Variants in MED13 observed in about 807,000 individuals in gnomAD.
MED13 encodes the protein mediator of RNA polymerase II transcription subunit 13.
MED13 carries 23 observed loss-of-function variants against 225.2 expected under a neutral mutation model. That is an observed-to-expected ratio of 0.10 (90% confidence interval 0.07 to 0.14). The LOEUF (loss-of-function observed/expected upper bound fraction) is 0.14. Ranked by LOEUF, MED13 falls within the 10% of genes least tolerant of loss-of-function variation. The pLI is 1.00. For synonymous variants in MED13, 942 were observed against 889.2 expected, an observed-to-expected ratio of 1.06 and a Z score of -1.06; for missense variants, 2,197 against 2,594.5, an observed-to-expected ratio of 0.85 and a Z score of 3.33.
chr17:61,983,668 T>A (rs1235650104), intron 15 of MED13, among the ~76,000 whole-genome samples: 3 of 151,826 alleles, frequency 2.0e-5, no homozygotes, highest in Non-Finnish European at 4.4e-5. Context: ...AAAAGGTGCT[T>A]CGGAATACAA....
intron 8 of MED13, among the ~76,000 whole-genome samples, chr17:62,028,087 A>T (rs2080719874): frequency 6.6e-6 from 1 of 152,224 alleles, no homozygotes; most frequent in Non-Finnish European, 1.5e-5. Context: ...TCTACCATAA[A>T]GACACATATA....
chr17:61,951,031 C>G, intron 27 of MED13, 33 bp from the exon 28 acceptor site: 1 of 1,558,106 alleles, frequency 6.4e-7, no homozygotes, highest in Non-Finnish European at 8.8e-7. Flanking sequence ...TATATTAGTT[C>G]ACTCAGTGTA....
At chr17:61,963,202 CAAAAAAAAAAAAA>C (rs11290002) in intron 20 of MED13, among the ~76,000 whole-genome samples, 55 of 55,798 alleles carry the variant, frequency 9.9e-4, no homozygotes, top group Admixed American at 8.6e-3. Flanking sequence ...TTAAATTTAC[CAAAAAAAAAAAAA>C]AAAAAAAAAA....
In MED13 at chr17:62,001,674, T is replaced by C. The variant is rs75072646; in HGVS notation, c.1968-6309A>G. 3.4e-3 allele frequency among the ~76,000 whole-genome samples: 525 copies of C among 152,306 alleles called. 2 individuals carry two copies. Among genetic ancestry groups the C allele is most frequent in the African/African-American group, 0.011 (472 of 41,564 alleles). On this transcript the variant is annotated intron_variant, in intron 9 of 29. Transcript: ENST00000397786. Reference sequence around the variant, plus strand: ...ACCATACCAAACTACATAAAGCTTCTGGAGCTTCATAAATGGAATTAAATT... The same window carrying C: ...ACCATACCAAACTACATAAAGCTTCCGGAGCTTCATAAATGGAATTAAATT...
intron 9 of MED13, among the ~76,000 whole-genome samples, chr17:62,001,119 A>C (rs944513277): frequency 6.6e-6 from 1 of 152,192 alleles, no homozygotes; most frequent in African/African-American, 2.4e-5. Context: ...CTTTAAAAAA[A>C]TCAGAAAAAT....
chr17:62,014,017 C>T (rs770665694), intron 8 of MED13, among the ~76,000 whole-genome samples: 22 of 151,762 alleles, frequency 1.4e-4, no homozygotes, highest in Admixed American at 3.3e-4. Flanking sequence ...CCAGCCTGGG[C>T]GACATAGCGA....
chr17:62,060,471 T>C (rs1473476733), intron 2 of MED13, among the ~76,000 whole-genome samples: 2 of 151,376 alleles, frequency 1.3e-5, no homozygotes, highest in Non-Finnish European at 2.9e-5. Context: ...ATACAAAAAA[T>C]TAGCCGGGCG....
chr17:62,008,309 C>A (rs1475736275), intron 9 of MED13, among the ~76,000 whole-genome samples: 2 of 63,338 alleles, frequency 3.2e-5, no homozygotes, highest in South Asian at 6.9e-4. Flanking sequence ...CAGAGCGAGG[C>A]TCTGTCTCAA....
intron 3 of MED13, among the ~76,000 whole-genome samples, chr17:62,039,385 C>T (rs72843789): frequency 3.3e-5 from 5 of 151,998 alleles, no homozygotes; most frequent in African/African-American, 2.4e-5. Flanking sequence ...CAGGTTAAAG[C>T]GATTCTTCTT....
chr17:62,005,624 TAAAAC>T (rs1261027645), intron 9 of MED13: 1 of 152,050 alleles, frequency 6.6e-6, no homozygotes, highest in Non-Finnish European at 1.5e-5. Flanking sequence ...TAAAATAAAA[TAAAAC>T]AAAATAAAAT....
At chr17:62,063,420 T>C (rs201842131) in intron 1 of MED13, 119 bp from the exon 2 acceptor site, 16 of 643,038 alleles carry the variant, frequency 2.5e-5, no homozygotes, top group South Asian at 9.7e-5. Context: ...GCTTGAGATA[T>C]TGACTGCAAA....
At chr17:61,998,929 T>C (rs1453639485) in intron 9 of MED13, among the ~76,000 whole-genome samples, 1 of 139,976 alleles carries the variant, frequency 7.1e-6, no homozygotes, top group African/African-American at 2.7e-5. Flanking sequence ...ATGGTACTTT[T>C]TTTTTTTTTT....
chr17:61,949,066 C>T (rs1031065574), intron 28 of MED13, among the ~76,000 whole-genome samples: 4 of 147,288 alleles, frequency 2.7e-5, no homozygotes, highest in Non-Finnish European at 6.0e-5. Context: ...CCAGCCTGGG[C>T]GACAGAGCGA....
intron 3 of MED13, among the ~76,000 whole-genome samples, chr17:62,043,863 G>GT (rs566517296): frequency 3.1e-4 from 47 of 151,232 alleles, no homozygotes; most frequent in Middle Eastern, 3.4e-3. Flanking sequence ...TATACATTTA[G>GT]TTTTTTTTTA....
Position 61,985,781 on chromosome 17 carries a change from A to G in MED13, c.2386-691T>C, listed in dbSNP as rs928997177. On this transcript the variant is annotated intron_variant, in intron 12 of 29. Transcript: ENST00000397786. ...AGAAAGCATTTGTCTCCTTAAGTTGAACACATTAAAGTTTCCTATATAATC... is the reference window on the plus strand; with the variant it reads ...AGAAAGCATTTGTCTCCTTAAGTTGGACACATTAAAGTTTCCTATATAATC... Among the ~76,000 whole-genome samples the G allele has an allele frequency of 6.6e-5, 10 of 152,358 alleles. No homozygotes were observed. The East Asian group carries it at 1.7e-3, about 26-fold the overall frequency.
rs1603410190 is a variant in MED13 at position 62,055,752 on chromosome 17, G to A, written c.302-3047C>T. Among the ~76,000 whole-genome samples the A allele has an allele frequency of 4.0e-5, 6 of 151,880 alleles. No homozygotes were observed. The East Asian group carries it at 1.2e-3, about 29-fold the overall frequency. ...GCAGGAGAATCACTTGAACTGGGTG[G>A]CAGAGGCTGCAGTAAACCGAGATCA... On this transcript the variant is annotated intron_variant, in intron 2 of 29. Transcript: ENST00000397786.
At chr17:61,980,858 T>G (rs1326235913) in intron 16 of MED13, among the ~76,000 whole-genome samples, 1 of 151,960 alleles carries the variant, frequency 6.6e-6, no homozygotes, top group Admixed American at 6.6e-5. Context: ...CTCCTCTGCC[T>G]TGGCCTCCTG....
chr17:62,019,773 C>T (rs1047927853), intron 8 of MED13, among the ~76,000 whole-genome samples: 39 of 148,826 alleles, frequency 2.6e-4, no homozygotes, highest in Non-Finnish European at 5.0e-4. Context: ...GACGGAGCCT[C>T]GCTCTTGTCA....
At chr17:62,009,562 C>T (rs2080486470) in intron 9 of MED13, among the ~76,000 whole-genome samples, 1 of 152,122 alleles carries the variant, frequency 6.6e-6, no homozygotes, top group Non-Finnish European at 1.5e-5. Flanking sequence ...GAAATTAAAT[C>T]TTGTAAGACC....
Sources: allele counts gnomAD v4.1 joint callset (sites outside exome capture counted in the v4.1 genomes callset), GRCh38; gene constraint gnomAD v4.1.1; transcripts MANE v1.5; gene names NCBI Gene and HGNC (gene_info 2026-07-23, HGNC 2026-07-21).